KCNH7: variants seen among roughly 807,000 people sequenced by gnomAD.
KCNH7 encodes voltage-gated inwardly rectifying potassium channel KCNH7.
Under a neutral mutation model 120.8 loss-of-function variants are expected in KCNH7, and 49 were observed. The ratio of observed to expected loss-of-function variants is 0.41; its 90% CI spans 0.32 to 0.51. The LOEUF (loss-of-function observed/expected upper bound fraction) is 0.51, where lower values mean the gene tolerates loss of function less well. Among genes scored for constraint, KCNH7 ranks in the 20% least tolerant of loss-of-function variants. The pLI is 0.38. For synonymous variants in KCNH7, 547 were observed against 516.1 expected, an observed-to-expected ratio of 1.06 and a Z score of -0.81; for missense variants, 1,097 against 1,446.6, an observed-to-expected ratio of 0.76 and a Z score of 3.92.
intron 2 of KCNH7, among the ~76,000 whole-genome samples, chr2:162,691,968 A>G (rs894427856): frequency 1.3e-5 from 2 of 152,154 alleles, no homozygotes; most frequent in East Asian, 1.9e-4. Flanking sequence ...AAAAGCTTAC[A>G]TTTTTCTCCT....
intron 2 of KCNH7, among the ~76,000 whole-genome samples, chr2:162,745,155 A>T (rs779336063): frequency 2.6e-5 from 4 of 152,194 alleles, no homozygotes; most frequent in Admixed American, 1.3e-4. Flanking sequence ...TGTGAACTTG[A>T]CTAGTAGAGC....
chr2:162,776,701 T>C (rs1683254471), intron 2 of KCNH7, among the ~76,000 whole-genome samples: 1 of 152,306 alleles, frequency 6.6e-6, no homozygotes, highest in Middle Eastern at 3.4e-3. Context: ...GACCTGACTG[T>C]ACTGCATTCC....
intron 2 of KCNH7, among the ~76,000 whole-genome samples, chr2:162,672,624 A>G (rs1685398297): frequency 6.6e-6 from 1 of 152,048 alleles, no homozygotes; most frequent in Non-Finnish European, 1.5e-5. Flanking sequence ...TGAAGAGCAG[A>G]AAAAATAGAA....
chr2:162,454,852 T>C (rs1312305768), intron 6 of KCNH7, among the ~76,000 whole-genome samples: 1 of 152,082 alleles, frequency 6.6e-6, no homozygotes, highest in African/African-American at 2.4e-5. Context: ...GAAGATGGGG[T>C]TTTCTAAATA....
chr2:162,576,180 T>C, intron 2 of KCNH7, among the ~76,000 whole-genome samples: 1 of 152,144 alleles, frequency 6.6e-6, no homozygotes, highest in Non-Finnish European at 1.5e-5. Context: ...AATCCTCTCA[T>C]AAATTTTCTA....
chr2:162,527,181 C>CT (rs975099280), intron 3 of KCNH7, among the ~76,000 whole-genome samples: 2 of 151,970 alleles, frequency 1.3e-5, no homozygotes, highest in Admixed American at 1.3e-4. Flanking sequence ...CCTCAGATTT[C>CT]TTTTTTGCAA....
chr2:162,767,792 A>G (rs1176552441), intron 2 of KCNH7, among the ~76,000 whole-genome samples: 2 of 152,194 alleles, frequency 1.3e-5, no homozygotes. Context: ...TTAATAACCA[A>G]TAGGACAATT....
intron 8 of KCNH7, among the ~76,000 whole-genome samples, chr2:162,432,882 T>C (rs545396717): frequency 6.6e-5 from 10 of 152,060 alleles, no homozygotes; most frequent in African/African-American, 9.7e-5. Flanking sequence ...TCTTTGCTGA[T>C]AATATTATTC....
At chr2:162,597,167 C>T (rs933642713) in intron 2 of KCNH7, among the ~76,000 whole-genome samples, 3 of 152,042 alleles carry the variant, frequency 2.0e-5, no homozygotes, top group Admixed American at 6.6e-5. Flanking sequence ...AGAATTACCA[C>T]GTCATCCAGC....
At chr2:162,565,188 G>A (rs1693210682) in intron 2 of KCNH7, among the ~76,000 whole-genome samples, 1 of 151,954 alleles carries the variant, frequency 6.6e-6, no homozygotes, top group African/African-American at 2.4e-5. Flanking sequence ...TTCTTCAGTT[G>A]CCATGGTATG....
chr2:162,654,548 G>C (rs1684677907), intron 2 of KCNH7, among the ~76,000 whole-genome samples: 1 of 152,080 alleles, frequency 6.6e-6, no homozygotes, highest in Non-Finnish European at 1.5e-5. Context: ...ACTGTTGGTG[G>C]TTATGTAGAT....
At chr2:162,709,125 G>A (rs1686828877) in intron 2 of KCNH7, among the ~76,000 whole-genome samples, 1 of 152,014 alleles carries the variant, frequency 6.6e-6, no homozygotes, top group Non-Finnish European at 1.5e-5. Context: ...TTTATCATCT[G>A]CAAAATAGAG....
intron 9 of KCNH7, among the ~76,000 whole-genome samples, chr2:162,413,329 G>T (rs1215035975): frequency 6.6e-6 from 1 of 151,982 alleles, no homozygotes; most frequent in Non-Finnish European, 1.5e-5. Context: ...GTTTCACCAC[G>T]TTGGCCAGGC....
At chr2:162,833,659 C>T (rs986016630) in intron 2 of KCNH7, among the ~76,000 whole-genome samples, 4 of 152,060 alleles carry the variant, frequency 2.6e-5, no homozygotes, top group African/African-American at 9.7e-5. Context: ...TTAATTGTGC[C>T]TAGCACAATC....
intron 2 of KCNH7, among the ~76,000 whole-genome samples, chr2:162,763,702 A>C (rs114924933): frequency 0.033 from 4,948 of 150,200 alleles, 311 homozygotes; most frequent in African/African-American, 0.12. Context: ...CCTAGTAGAA[A>C]ATTAATCTGG....
chr2:162,443,174 C>G (rs1163263080), intron 7 of KCNH7, among the ~76,000 whole-genome samples: 1 of 152,148 alleles, frequency 6.6e-6, no homozygotes, highest in Admixed American at 6.5e-5. Flanking sequence ...TGGTTCTTGT[C>G]TAGAAGCTGA....
At position 162,655,632 on chromosome 2, in the gene KCNH7, G is replaced by GA. The variant is rs71956950; in HGVS notation, c.308-118553dup. On this transcript the variant is annotated intron_variant, in intron 2 of 15. Coordinates refer to ENST00000332142, the MANE Select transcript of KCNH7 (RefSeq NM_033272.4). ...AAACCCCATCTCTACTAAAAATAAA[G>GA]AAAAAAAAAAATTAGCTGGGCGTGG... Among the ~76,000 whole-genome samples, 57 of 146,960 alleles carry GA rather than the reference G, an allele frequency of 3.9e-4. No homozygotes were observed. The East Asian group carries it at 6.8e-3, about 18-fold the overall frequency.
chr2:162,434,925 G>T (rs1688189211), intron 8 of KCNH7, among the ~76,000 whole-genome samples: 1 of 151,924 alleles, frequency 6.6e-6, no homozygotes. Context: ...GATACTCTTT[G>T]TATAGCAGTA....
chr2:162,580,760 G>A lies in KCNH7; in HGVS notation c.308-43680C>T, dbSNP rs541705556. 1.1e-4 allele frequency among the ~76,000 whole-genome samples: 16 copies of A among 152,112 alleles called. No individual in the cohort carries two copies. The East Asian group carries it at 3.1e-3, about 30-fold the overall frequency. ...GGAGAACCTCTTTTAGCAGAGCAGA[G>A]TCAGGGAGGTTGAGAAGAGTACTTG... On this transcript the variant is annotated intron_variant, in intron 2 of 15. Coordinates refer to ENST00000332142, the MANE Select transcript of KCNH7 (RefSeq NM_033272.4).
Sources: allele counts gnomAD v4.1 joint callset (sites outside exome capture counted in the v4.1 genomes callset), GRCh38; gene constraint gnomAD v4.1.1; transcripts MANE v1.5; gene names NCBI Gene and HGNC (gene_info 2026-07-23, HGNC 2026-07-21).